SOX5: variants seen among roughly 807,000 people sequenced by gnomAD.
The protein encoded by SOX5 is transcription factor SOX-5.
A neutral mutation model predicts 92.0 loss-of-function variants in SOX5; 9 were observed. The ratio of observed to expected loss-of-function variants is 0.10; its 90% CI spans 0.06 to 0.17. The LOEUF (loss-of-function observed/expected upper bound fraction) is 0.17. SOX5 is among the 10% of genes least tolerant of loss of function. The pLI, the probability that SOX5 is intolerant of heterozygous loss-of-function variation, is 1.00. For synonymous variants in SOX5, 344 were observed against 336.3 expected (o/e 1.02, Z -0.25); for missense variants, 642 against 944.5 (o/e 0.68, Z 4.20).
intron 3 of SOX5, among the ~76,000 whole-genome samples, chr12:24,265,781 A>G (rs1417870993): frequency 2.0e-5 from 3 of 152,168 alleles, no homozygotes; most frequent in Admixed American, 6.5e-5. Flanking sequence ...ATATGTACTC[A>G]TTCAACCAAT....
At chr12:24,355,800 C>A (rs988946502) in intron 2 of SOX5, among the ~76,000 whole-genome samples, 1 of 152,102 alleles carries the variant, frequency 6.6e-6, no homozygotes, top group African/African-American at 2.4e-5. Flanking sequence ...GGAAAAATTA[C>A]TTATTTCCAG....
intron 2 of SOX5, among the ~76,000 whole-genome samples, chr12:24,332,626 T>A (rs556476747): frequency 2.3e-4 from 35 of 151,744 alleles, no homozygotes; most frequent in African/African-American, 8.2e-4. Context: ...AATCGAGGTT[T>A]GAAAAGGAAG....
chr12:23,704,292 T>C (rs2140258857), intron 6 of SOX5, among the ~76,000 whole-genome samples: 1 of 152,030 alleles, frequency 6.6e-6, no homozygotes, highest in East Asian at 1.9e-4. Flanking sequence ...GTGATAAGAC[T>C]GACAGCCATA....
rs539863425 is a variant in SOX5, at chr12:23,776,958, C to T, written c.482-21234G>A. 2.3e-3 allele frequency among the ~76,000 whole-genome samples: 349 copies of T among 152,248 alleles called. 3 individuals are homozygous for T. Among genetic ancestry groups the T allele is most frequent in the African/African-American group, 8.1e-3 (335 of 41,558 alleles). The stretch of plus-strand genomic sequence containing the variant: ...TCACTTCCTATTTTCAATTTCTATC[C>T]ATTTTCCTTTATTTTTATAGCACTT... On this transcript the variant is annotated intron_variant, in intron 3 of 14. Transcript: ENST00000451604.
chr12:24,075,124 C>T lies in SOX5; in HGVS notation c.-2+138219G>A, dbSNP rs868475991. 2.2e-4 allele frequency among the ~76,000 whole-genome samples: 33 copies of T among 151,382 alleles called. No individual in the cohort carries two copies. The Middle Eastern group carries it at 0.01, about 47-fold the overall frequency. ...AAAAAATAAAAAAAATAAAAATTAG[C>T]TGAGCGTGGTGGTGCTTGCTTGTAG... On this transcript the variant is annotated intron_variant, in intron 4 of 4. Transcript: ENST00000446891.
At chr12:24,392,512 A>T (rs919191059) in intron 1 of SOX5, among the ~76,000 whole-genome samples, 1 of 152,088 alleles carries the variant, frequency 6.6e-6, no homozygotes, top group Admixed American at 6.6e-5. Flanking sequence ...ACAGATCTTC[A>T]CATGACTTGT....
chr12:23,909,595 G>A (rs745938663), intron 1 of SOX5, among the ~76,000 whole-genome samples: 5 of 152,064 alleles, frequency 3.3e-5, no homozygotes, highest in Non-Finnish European at 7.4e-5. Flanking sequence ...CCATTTATAG[G>A]TACTCAGTCT....
intron 4 of SOX5, among the ~76,000 whole-genome samples, chr12:24,071,421 TTTTTTA>T (rs1408407211): frequency 3.3e-5 from 5 of 152,090 alleles, no homozygotes; most frequent in East Asian, 1.9e-4. Flanking sequence ...TCAAGCCTTG[TTTTTTA>T]TTTTTATTTT....
chr12:24,521,966 A>G (rs1308139393), intron 1 of SOX5, among the ~76,000 whole-genome samples: 1 of 151,946 alleles, frequency 6.6e-6, no homozygotes. Flanking sequence ...CGAATCAAAT[A>G]AAGACCATAA....
At chr12:23,569,924 A>C (rs986921629) in intron 10 of SOX5, among the ~76,000 whole-genome samples, 1 of 152,180 alleles carries the variant, frequency 6.6e-6, no homozygotes, top group Non-Finnish European at 1.5e-5. Context: ...TTTTTAGTAC[A>C]ATCTATTATT....
intron 4 of SOX5, among the ~76,000 whole-genome samples, chr12:24,179,018 G>A (rs548921093): frequency 6.6e-6 from 1 of 152,286 alleles, no homozygotes; most frequent in South Asian, 2.1e-4. Context: ...TTTACCATCT[G>A]CAGAAAAAAT....
chr12:24,127,836 C>T (rs1282483601), intron 4 of SOX5, among the ~76,000 whole-genome samples: 2 of 152,144 alleles, frequency 1.3e-5, no homozygotes, highest in Non-Finnish European at 1.5e-5. Flanking sequence ...AGAGGCAACA[C>T]CGTCTCATTT....
At chr12:23,839,484 C>T (rs1168946266) in intron 3 of SOX5, among the ~76,000 whole-genome samples, 1 of 152,116 alleles carries the variant, frequency 6.6e-6, no homozygotes, top group Non-Finnish European at 1.5e-5. Context: ...GAGGGAAACA[C>T]TTCCTAACTC....
At chr12:24,067,416 C>G (rs1396641340) in intron 4 of SOX5, among the ~76,000 whole-genome samples, 1 of 151,932 alleles carries the variant, frequency 6.6e-6, no homozygotes, top group Non-Finnish European at 1.5e-5. Flanking sequence ...CCTTGCAGCC[C>G]CAAACTCCAG....
intron 1 of SOX5, among the ~76,000 whole-genome samples, chr12:24,543,130 C>G (rs1952296891): frequency 6.6e-6 from 1 of 152,170 alleles, no homozygotes; most frequent in Admixed American, 6.5e-5. Context: ...AAAGAATGAA[C>G]AGTCCAGCTA....
chr12:23,890,424 A>G lies in SOX5; in HGVS notation c.270+5369T>C, dbSNP rs146588875. ...AATATGCTTTTTATTTAAAAAAATG[A>G]CAACTGATTATTCAACAACCACAGG... On this transcript the variant is annotated intron_variant, in intron 2 of 14. Coordinates refer to ENST00000451604, the MANE Select transcript of SOX5 (RefSeq NM_006940.6). Among the ~76,000 whole-genome samples the G allele has an allele frequency of 5.2e-3, 786 of 152,328 alleles. 4 individuals are homozygous for G. The highest frequency in any genetic ancestry group is 8.3e-3 in the Non-Finnish European group (567 of 68,010).
At position 24,379,330 on chromosome 12, in the gene SOX5, C is replaced by T. The variant is rs145204404; in HGVS notation, c.-250-10691G>A. Reference sequence around the variant, plus strand: ...TGTTGAGATGAACAAAATAATTCTACGTGCTAATGCAATCATCAGGTTTTA... The same window carrying T: ...TGTTGAGATGAACAAAATAATTCTATGTGCTAATGCAATCATCAGGTTTTA... On this transcript the variant is annotated intron_variant, in intron 1 of 4. Transcript: ENST00000446891. Among the ~76,000 whole-genome samples the T allele has an allele frequency of 2.7e-3, 408 of 152,288 alleles. 3 individuals carry two copies. Among genetic ancestry groups the T allele is most frequent in the African/African-American group, 9.5e-3 (394 of 41,570 alleles).
chr12:24,487,352 GA>G (rs995963594), intron 1 of SOX5, among the ~76,000 whole-genome samples: 17 of 152,122 alleles, frequency 1.1e-4, no homozygotes, highest in Admixed American at 1.0e-3. Context: ...AAAAGCTTAG[GA>G]AAATGTTTCT....
chr12:24,445,717 G>T (rs1941369156), intron 1 of SOX5, among the ~76,000 whole-genome samples: 1 of 152,124 alleles, frequency 6.6e-6, no homozygotes, highest in Non-Finnish European at 1.5e-5. Flanking sequence ...GAAAAATTTT[G>T]GTGCCTGCAA....
Sources: allele counts gnomAD v4.1 joint callset (sites outside exome capture counted in the v4.1 genomes callset), GRCh38; gene constraint gnomAD v4.1.1; transcripts MANE v1.5; gene names NCBI Gene and HGNC (gene_info 2026-07-23, HGNC 2026-07-21).